RIDA: variants seen among roughly 807,000 people sequenced by gnomAD.
The protein encoded by RIDA is 2-iminobutanoate/2-iminopropanoate deaminase.
In RIDA, 17 loss-of-function variants were observed where a neutral mutation model predicts 17.8. The ratio of observed to expected loss-of-function variants is 0.96; its 90% CI spans 0.65 to 1.43. RIDA has a LOEUF of 1.43. Ranked by LOEUF, RIDA falls within the 40% of genes most tolerant of loss-of-function variation. The pLI is 0.00. For missense variants in RIDA, 158 were observed against 161.7 expected (o/e 0.98, Z 0.12); for synonymous variants, 48 against 55.7 (o/e 0.86, Z 0.62).
chr8:98,106,789 C>CT (rs1192799031), intron 2 of RIDA, among the ~76,000 whole-genome samples: 5 of 152,096 alleles, frequency 3.3e-5, no homozygotes, highest in Admixed American at 3.3e-4. Context: ...AAACATTTAT[C>CT]TTTTTTTGGA....
Position 98,104,483 on chromosome 8 carries a change from A to G in RIDA, c.351+6T>C, listed in dbSNP as rs1279021602. On this transcript the variant is annotated splice_donor_region_variant and intron_variant, in intron 5 of 5. Coordinates refer to ENST00000254878, the MANE Select transcript of RIDA (RefSeq NM_005836.3). ...TGTGTACATTAGTCATTTAAAGTGTACTTACTTTGGGTAAAGCAGCAACTT... is the reference window on the plus strand; with the variant it reads ...TGTGTACATTAGTCATTTAAAGTGTGCTTACTTTGGGTAAAGCAGCAACTT... The G allele has an allele frequency of 2.0e-6, 3 of 1,530,288 alleles. No individual in the cohort carries two copies. Among genetic ancestry groups the G allele is most frequent in the Non-Finnish European group, 2.7e-6 (3 of 1,104,222 alleles). 94.8% of individuals were successfully genotyped at this position (1,530,288 alleles called of 1,614,324 possible). A position where few individuals can be genotyped will look rare whatever the true frequency, so the allele number is the denominator to read the frequency against.
At chr8:98,104,082 C>CTTTTTTT (rs539041035) in intron 5 of RIDA, among the ~76,000 whole-genome samples, 1 of 127,978 alleles carries the variant, frequency 7.8e-6, no homozygotes, top group Non-Finnish European at 1.7e-5. Flanking sequence ...TATTTCTTTT[C>CTTTTTTT]TTTTTTTTTT....
At chr8:98,114,311 T>C (rs1406636487) in intron 1 of RIDA, among the ~76,000 whole-genome samples, 1 of 146,716 alleles carries the variant, frequency 6.8e-6, no homozygotes, top group Non-Finnish European at 1.5e-5. Context: ...CACCACAACC[T>C]GTACCCTGCT....
rs570490651 is a variant in RIDA, at chr8:98,106,384, A to C, written c.172-58T>G. The C allele has an allele frequency of 5.8e-5, 82 of 1,410,928 alleles. 1 individual carries two copies. The highest frequency in any genetic ancestry group is 4.7e-4 in the Admixed American group (27 of 56,968). The allele number at this position is 1,410,928 out of a possible 1,614,324, so 87.4% of individuals were successfully genotyped here. On this transcript the variant is annotated intron_variant, in intron 2 of 5. Transcript: ENST00000254878. ...TGATGTTAGATTTAAAGCTTTAATTAAATTCAATTAATCATCTTTTACTAA... is the reference window on the plus strand; with the variant it reads ...TGATGTTAGATTTAAAGCTTTAATTCAATTCAATTAATCATCTTTTACTAA...
chr8:98,107,524 GAAACAAAACA>G (rs1009926516), intron 2 of RIDA, among the ~76,000 whole-genome samples: 2 of 152,118 alleles, frequency 1.3e-5, no homozygotes, highest in African/African-American at 4.8e-5. Flanking sequence ...GCTGTCTCAA[GAAACAAAACA>G]AAACAAAACA....
rs1170315074 is a variant in RIDA, at chr8:98,117,013, C to T, written c.65+19G>A. 6.2e-7 allele frequency: 1 copy of T among 1,609,356 alleles called. No individual in the cohort carries two copies. The highest frequency in any genetic ancestry group is 1.7e-5 in the Admixed American group (1 of 59,880). ...CCCGCACGCCCTGGGTCCGACACAG[C>T]TTCCACCAGCCACGTTACCTGTAGG... is the stretch of plus-strand genomic sequence containing the variant. On this transcript the variant is annotated intron_variant, in intron 1 of 5. Coordinates refer to ENST00000254878, the MANE Select transcript of RIDA (RefSeq NM_005836.3).
intron 5 of RIDA, 143 bp from the exon 6 acceptor site, chr8:98,103,047 C>A: frequency 1.6e-6 from 1 of 608,504 alleles, no homozygotes; most frequent in African/African-American, 1.8e-5. Context: ...AGGAAATATT[C>A]ACCAAGAACC....
intron 5 of RIDA, among the ~76,000 whole-genome samples, 155 bp from the exon 6 acceptor site, chr8:98,103,059 A>G (rs1295668541): frequency 1.3e-5 from 2 of 152,262 alleles, no homozygotes; most frequent in Non-Finnish European, 1.5e-5. Flanking sequence ...CCAAGAACCT[A>G]TAACAGACCA....
chr8:98,104,586 G>C, intron 4 of RIDA, 42 bp from the exon 5 acceptor site: 1 of 1,162,020 alleles, frequency 8.6e-7, no homozygotes, highest in Non-Finnish European at 1.3e-6. Flanking sequence ...GAGAAGAGTT[G>C]AAAAAATAAA....
chr8:98,109,141 C>T (rs1326398933), intron 1 of RIDA, among the ~76,000 whole-genome samples: 1 of 152,052 alleles, frequency 6.6e-6, no homozygotes, highest in African/African-American at 2.4e-5. Flanking sequence ...CTGAAGTGAG[C>T]CATGAGTATA....
At chr8:98,108,812 A>G (rs748778045) in intron 1 of RIDA, 61 bp from the exon 2 acceptor site, 41 of 1,051,754 alleles carry the variant, frequency 3.9e-5, no homozygotes, top group Middle Eastern at 2.0e-4. Flanking sequence ...TCAATGCTAG[A>G]AGACTTTTTT....
intron 2 of RIDA, among the ~76,000 whole-genome samples, chr8:98,107,409 A>G (rs1255698455): frequency 6.6e-6 from 1 of 152,060 alleles, no homozygotes; most frequent in Non-Finnish European, 1.5e-5. Flanking sequence ...CTGTAGTCCC[A>G]GTTACTTGGG....
intron 1 of RIDA, among the ~76,000 whole-genome samples, chr8:98,109,059 T>C (rs1815677446): frequency 6.6e-6 from 1 of 151,994 alleles, no homozygotes; most frequent in Non-Finnish European, 1.5e-5. Flanking sequence ...CCAAGTATGG[T>C]GACGCACACC....
At chr8:98,103,175 A>G (rs897453410) in intron 5 of RIDA, among the ~76,000 whole-genome samples, 2 of 152,330 alleles carry the variant, frequency 1.3e-5, no homozygotes, top group Non-Finnish European at 2.9e-5. Context: ...GATATGCTGA[A>G]GTGTAGAAGG....
At chr8:98,115,388 CAAAAAAAAAAAA>C (rs766262204) in intron 1 of RIDA, among the ~76,000 whole-genome samples, 1 of 41,136 alleles carries the variant, frequency 2.4e-5, no homozygotes. Flanking sequence ...ACTCTGCCTC[CAAAAAAAAAAAA>C]AAAAAAAAAA....
In RIDA at chr8:98,105,983, C is replaced by T; in HGVS notation, c.250G>A (p.Ala84Thr). Residue 84 changes from alanine to threonine, a missense_variant, in exon 4 of 6, where the codon GCT becomes ACT. Transcript: ENST00000254878. ...ACAGTATTGAAGTCATTTATGTCAG[C>T]CAGAAGAACAGTTGTTTTCACCACT... is the stretch of plus-strand genomic sequence containing the variant. ...TNVVKTTVLL[A>T]DINDFNTVNE... 6.2e-7 allele frequency: 1 copy of T among 1,608,476 alleles called. No individual in the cohort carries two copies. The highest frequency in any genetic ancestry group is 1.1e-5 in the South Asian group (1 of 90,948).
chr8:98,108,707 A>G lies in RIDA; in HGVS notation c.110T>C (p.Ile37Thr), dbSNP rs1815669417. 6.2e-7 allele frequency: 1 copy of G among 1,613,814 alleles called. No individual in the cohort carries two copies. The highest frequency in any genetic ancestry group is 8.5e-7 in the Non-Finnish European group (1 of 1,179,734). Reference sequence around the variant, plus strand: ...CTGTCCACTTGAAGGGTCCATGCCTATCTGTCCTGAAATGTAAATGGTCCT... The same window carrying G: ...CTGTCCACTTGAAGGGTCCATGCCTGTCTGTCCTGAAATGTAAATGGTCCT... ...VDRTIYISGQ[I>T]GMDPSSGQLV... is the part of the protein sequence containing the mutation. The change falls in exon 2 of 6, where the codon ATA becomes ACA. Residue 37 changes from isoleucine to threonine, a missense_variant. Ile to Thr is a moderately conservative substitution (Grantham distance 89). Transcript: ENST00000254878.
chr8:98,106,782 C>A (rs1019529005), intron 2 of RIDA, among the ~76,000 whole-genome samples: 2 of 152,084 alleles, frequency 1.3e-5, no homozygotes, highest in African/African-American at 4.8e-5. Flanking sequence ...TCTGGAAAAA[C>A]ATTTATCTTT....
At position 98,117,038 on chromosome 8, in the gene RIDA, G is replaced by A. The variant is rs1174760991; in HGVS notation, c.59C>T (p.Pro20Leu). The A allele has an allele frequency of 1.9e-6, 3 of 1,613,596 alleles. No homozygotes were observed. The highest frequency in any genetic ancestry group is 2.5e-6 in the Non-Finnish European group (3 of 1,179,636). The change falls in exon 1 of 6, where the codon CCC (proline) becomes CTC (leucine). Residue 20 changes from proline (P) to leucine (L), a missense_variant. Coordinates refer to ENST00000254878, the MANE Select transcript of RIDA (RefSeq NM_005836.3). ...STAKAPGAIG[P>L]YSQAVLVDRT... The stretch of plus-strand genomic sequence containing the variant: ...CTTCCACCAGCCACGTTACCTGTAG[G>A]GTCCAATGGCCCCTGGGGCTTTCGC...
Sources: allele counts gnomAD v4.1 joint callset (sites outside exome capture counted in the v4.1 genomes callset), GRCh38; gene constraint gnomAD v4.1.1; transcripts MANE v1.5; gene names NCBI Gene and HGNC (gene_info 2026-07-23, HGNC 2026-07-21).